TNIK: variants seen among roughly 807,000 people sequenced by gnomAD.
TNIK encodes TRAF2 and NCK-interacting protein kinase.
In TNIK, 49 loss-of-function variants were observed where a neutral mutation model predicts 191.3. That is an observed-to-expected ratio of 0.26 (90% CI 0.20 to 0.32). The LOEUF (loss-of-function observed/expected upper bound fraction) is 0.32, where lower values mean the gene tolerates loss of function less well. TNIK is among the 10% of genes least tolerant of loss of function. The pLI is 1.00. For synonymous variants in TNIK, 594 were observed against 600.9 expected, an observed-to-expected ratio of 0.99 and a Z score of 0.17; for missense variants, 1,155 against 1,702.3, an observed-to-expected ratio of 0.68 and a Z score of 5.66.
intron 20 of TNIK, among the ~76,000 whole-genome samples, chr3:171,107,657 T>C (rs1725126363): frequency 6.6e-6 from 1 of 152,074 alleles, no homozygotes; most frequent in South Asian, 2.1e-4. Context: ...GCATGAAAAA[T>C]AGCAGAAAAA....
chr3:171,159,498 T>C lies in TNIK; in HGVS notation c.1016+1772A>G, dbSNP rs1291316374. 6.6e-6 allele frequency among the ~76,000 whole-genome samples: 1 copy of C among 152,094 alleles called. No homozygotes were observed. The highest frequency in any genetic ancestry group is 1.5e-5 in the Non-Finnish European group (1 of 68,030). On this transcript the variant is annotated intron_variant, in intron 11 of 32. Transcript: ENST00000436636. This position sits in a 1 kb window ranked among gnomAD's most constrained non-coding sequence, Gnocchi z 4.1. Reference sequence around the variant, plus strand: ...ATGCTTGGCGTCTACTCACAAGCCTTCTCTAAAACTTAGAGCCTTTGTGTC... The same window carrying C: ...ATGCTTGGCGTCTACTCACAAGCCTCCTCTAAAACTTAGAGCCTTTGTGTC...
intron 2 of TNIK, among the ~76,000 whole-genome samples, chr3:171,334,035 C>A (rs1019864155): frequency 6.6e-6 from 1 of 152,162 alleles, no homozygotes; most frequent in Non-Finnish European, 1.5e-5. Flanking sequence ...CATCACCCCT[C>A]CTAAACCACC....
intron 2 of TNIK, among the ~76,000 whole-genome samples, chr3:171,231,548 A>G (rs1743646999): frequency 6.6e-6 from 1 of 152,070 alleles, no homozygotes; most frequent in Non-Finnish European, 1.5e-5. Flanking sequence ...AGGTATCCCC[A>G]CGCGCTAGAG....
chr3:171,317,971 C>T (rs903799445), intron 2 of TNIK, among the ~76,000 whole-genome samples: 1 of 152,144 alleles, frequency 6.6e-6, no homozygotes, highest in African/African-American at 2.4e-5. Context: ...AACGTGTGTG[C>T]TTATTACTAC....
intron 2 of TNIK, among the ~76,000 whole-genome samples, chr3:171,350,670 GCATA>G (rs1347924884): frequency 6.8e-6 from 1 of 147,744 alleles, no homozygotes; most frequent in Non-Finnish European, 1.5e-5. Flanking sequence ...AGAGTATACT[GCATA>G]CATAAAAACT....
At chr3:171,406,784 C>T (rs1721750742) in intron 1 of TNIK, among the ~76,000 whole-genome samples, 1 of 152,166 alleles carries the variant, frequency 6.6e-6, no homozygotes, top group Admixed American at 6.5e-5. Context: ...GAATTAACTG[C>T]CCAGAGAAAG....
intron 2 of TNIK, among the ~76,000 whole-genome samples, chr3:171,261,778 T>C (rs1747648947): frequency 6.6e-6 from 1 of 152,018 alleles, no homozygotes; most frequent in Non-Finnish European, 1.5e-5. Context: ...TTTGAACAAA[T>C]AAATAAACAA....
chr3:171,087,453 G>T lies in TNIK; in HGVS notation c.2775C>A (p.Gly925=), dbSNP rs1391909139. The change falls in exon 24 of 33, where the codon GGC becomes GGA. Residue 925 remains glycine, a synonymous_variant. Coordinates refer to ENST00000436636, the MANE Select transcript of TNIK (RefSeq NM_015028.4). ...SGHSDSNGFA[G]HINLPDLVQQ... Reference sequence around the variant, plus strand: ...GCACCAGGTCAGGGAGGTTGATGTGGCCAGCAAAGCCATTGCTGTCACTGT... The same window carrying T: ...GCACCAGGTCAGGGAGGTTGATGTGTCCAGCAAAGCCATTGCTGTCACTGT... The T allele has an allele frequency of 6.2e-6, 10 of 1,613,926 alleles. 1 individual carries two copies. In the South Asian group the frequency reaches 1.1e-4, roughly 18 times the overall value.
At chr3:171,126,318 AT>A (rs1360048295) in intron 16 of TNIK, among the ~76,000 whole-genome samples, 167 bp from the exon 17 acceptor site, 1 of 152,138 alleles carries the variant, frequency 6.6e-6, no homozygotes, top group Non-Finnish European at 1.5e-5. Context: ...GCTCTTCAAA[AT>A]TTTCCATTGG....
chr3:171,118,817 A>C (rs919560170), intron 18 of TNIK, among the ~76,000 whole-genome samples: 82 of 152,310 alleles, frequency 5.4e-4, no homozygotes, highest in African/African-American at 2.0e-3. Context: ...TAAATGTTAG[A>C]CCTAAAACCA....
chr3:171,198,035 C>T (rs1738918014), intron 4 of TNIK, among the ~76,000 whole-genome samples: 1 of 152,082 alleles, frequency 6.6e-6, no homozygotes, highest in African/African-American at 2.4e-5. Flanking sequence ...AACAGAAGAA[C>T]AGGTACACAA....
intron 23 of TNIK, among the ~76,000 whole-genome samples, chr3:171,089,767 A>C (rs1400767818): frequency 6.6e-6 from 1 of 152,218 alleles, no homozygotes; most frequent in Non-Finnish European, 1.5e-5. Context: ...TCTCGTCTTT[A>C]TCTCTCACCA....
chr3:171,351,357 T>C lies in TNIK; in HGVS notation c.123+18263A>G, dbSNP rs147372227. On this transcript the variant is annotated intron_variant, in intron 2 of 32. Coordinates refer to ENST00000436636, the MANE Select transcript of TNIK (RefSeq NM_015028.4). ...GTGACTATTCTCTATCCTATCACTG[T>C]AAAAACACTTGACAGATCTCTCAAC... Among the ~76,000 whole-genome samples the C allele has an allele frequency of 1.2e-3, 185 of 152,010 alleles. 1 individual carries two copies. The highest frequency in any genetic ancestry group is 6.8e-3 in the Middle Eastern group (2 of 294).
At position 171,401,095 on chromosome 3, in the gene TNIK, G is replaced by C. The variant is rs150728625; in HGVS notation, c.58-31410C>G. On this transcript the variant is annotated intron_variant, in intron 1 of 32. Transcript: ENST00000436636. Reference sequence around the variant, plus strand: ...AACTGAGGAGAGACAGGAATAATGAGAGCAGATCTAGTCCTGAAGAAAACA... The same window carrying C: ...AACTGAGGAGAGACAGGAATAATGACAGCAGATCTAGTCCTGAAGAAAACA... 6.6e-5 allele frequency among the ~76,000 whole-genome samples: 10 copies of C among 152,286 alleles called. No individual in the cohort carries two copies. The East Asian group carries it at 1.9e-3, about 29-fold the overall frequency.
In TNIK at chr3:171,062,271, A is replaced by G. The variant is rs1418045870; in HGVS notation, c.*1610T>C. The G allele has an allele frequency of 1.3e-5, 2 of 152,166 alleles. No individual in the cohort carries two copies. The highest frequency in any genetic ancestry group is 2.9e-5 in the Non-Finnish European group (2 of 68,032). The allele number at this position is 152,166 out of a possible 1,614,324, so 9.4% of individuals were successfully genotyped here. On this transcript the variant is annotated 3_prime_UTR_variant, in exon 33 of 33. Coordinates refer to ENST00000436636, the MANE Select transcript of TNIK (RefSeq NM_015028.4). ...CCCCACTTCCAATTTTTTAAGAAGA[A>G]AAATTTGGTCAACTACTGTTTCGTT...
Position 171,069,497 on chromosome 3 carries a change from T to C in TNIK, c.3550-500A>G, listed in dbSNP as rs78252624. Among the ~76,000 whole-genome samples, 722 of 152,292 alleles carry C rather than the reference T, an allele frequency of 4.7e-3. 7 individuals carry two copies. Among genetic ancestry groups the C allele is most frequent in the African/African-American group, 0.017 (703 of 41,578 alleles). On this transcript the variant is annotated intron_variant, in intron 29 of 32. Transcript: ENST00000436636. Reference sequence around the variant, plus strand: ...CTGGTTTGGATTTTTCTTCAGTGAATGAGTAGGCATAAGATTGGCACTTTC... The same window carrying C: ...CTGGTTTGGATTTTTCTTCAGTGAACGAGTAGGCATAAGATTGGCACTTTC...
intron 2 of TNIK, among the ~76,000 whole-genome samples, chr3:171,347,611 G>A (rs901852400): frequency 6.6e-6 from 1 of 152,168 alleles, no homozygotes; most frequent in African/African-American, 2.4e-5. Context: ...CTTGAATTTA[G>A]CGTACAATAC....
chr3:171,410,778 C>CAAAA lies in TNIK; in HGVS notation c.58-41097_58-41094dup, dbSNP rs55965220. The stretch of plus-strand genomic sequence containing the variant: ...TGGGCGACAGAGCAAGACTCCATCT[C>CAAAA]AAAAAAAAAAAAAAAAAAAAAAAAA... On this transcript the variant is annotated intron_variant, in intron 1 of 32. Coordinates refer to ENST00000436636, the MANE Select transcript of TNIK (RefSeq NM_015028.4). 1.6e-4 allele frequency among the ~76,000 whole-genome samples: 12 copies of CAAAA among 73,924 alleles called. 1 individual carries two copies. The highest frequency in any genetic ancestry group is 6.4e-4 in the African/African-American group (12 of 18,656). The allele number at this position is 73,924 out of a possible 152,430, so 48.5% of individuals were successfully genotyped here.
chr3:171,200,350 A>G (rs1403100677), intron 4 of TNIK, among the ~76,000 whole-genome samples: 8 of 152,160 alleles, frequency 5.3e-5, no homozygotes, highest in African/African-American at 1.9e-4. Flanking sequence ...GTGTGGAGCA[A>G]CCAACTTATT....
Sources: gnomAD v4.1 joint callset for allele counts (sites outside exome capture counted in the v4.1 genomes callset) on GRCh38, gnomAD v4.1.1 for gene constraint, Gnocchi (gnomAD v3.1) non-coding constraint, MANE v1.5 for transcripts, NCBI Gene and HGNC (gene_info 2026-07-23, HGNC 2026-07-21) for gene names.